FAAH2: variants seen among roughly 807,000 people sequenced by gnomAD.
The protein encoded by FAAH2 is fatty-acid amide hydrolase 2.
In FAAH2, 60 loss-of-function variants were observed where a neutral mutation model predicts 36.9. The ratio of observed to expected loss-of-function variants is 1.63; its 90% CI spans 1.32 to 2.02. The LOEUF (loss-of-function observed/expected upper bound fraction) is 2.02, where lower values mean the gene tolerates loss of function less well. Ranked by LOEUF, FAAH2 falls within the 30% of genes most tolerant of loss-of-function variation. The pLI, the probability that FAAH2 is intolerant of heterozygous loss-of-function variation, is 0.00. For missense variants in FAAH2, 689 were observed against 397.5 expected, an observed-to-expected ratio of 1.73 and a Z score of -6.23; for synonymous variants, 214 against 143.8, an observed-to-expected ratio of 1.49 and a Z score of -3.49.
the FAAH2 span, among the ~76,000 whole-genome samples, chrX:57,240,539 A>G: frequency 9.0e-6 from 1 of 111,468 alleles, no homozygotes; most frequent in Non-Finnish European, 1.9e-5. Flanking sequence ...GCAAGTGTGT[A>G]TCCAAGCAGT....
chrX:57,260,922 T>C, the FAAH2 span, among the ~76,000 whole-genome samples: 2 of 111,949 alleles, frequency 1.8e-5, no homozygotes, highest in Non-Finnish European at 3.8e-5. Flanking sequence ...GTAGTGCAAC[T>C]AGAAATTTCA....
intron 8 of FAAH2, among the ~76,000 whole-genome samples, chrX:57,441,935 A>C (rs1460516734): frequency 1.8e-5 from 2 of 111,734 alleles, no homozygotes; most frequent in Non-Finnish European, 3.8e-5. Flanking sequence ...GAGTTACTTA[A>C]TCCTGAGTTC....
the FAAH2 span, among the ~76,000 whole-genome samples, chrX:57,180,319 C>A: frequency 1.8e-5 from 2 of 111,175 alleles, no homozygotes; most frequent in African/African-American, 3.3e-5. Flanking sequence ...ATGAACGAAC[C>A]AATGAGCCAT....
At chrX:57,226,004 G>A in the FAAH2 span, among the ~76,000 whole-genome samples, 1 of 111,811 alleles carries the variant, frequency 8.9e-6, no homozygotes, top group Admixed American at 9.5e-5. Context: ...CTTTTTGTAC[G>A]CCTTTACTTT....
intron 7 of FAAH2, chrX:57,394,692 A>T: frequency 4.4e-6 from 4 of 900,879 alleles, no homozygotes; most frequent in Admixed American, 4.4e-5. Context: ...TTTTTTTATC[A>T]TCTGGGACAT....
At chrX:57,182,049 C>T in the FAAH2 span, among the ~76,000 whole-genome samples, 1 of 111,872 alleles carries the variant, frequency 8.9e-6, no homozygotes, top group South Asian at 3.7e-4. Context: ...GAACCTGGAA[C>T]CCTTCCTTAC....
intron 4 of FAAH2, among the ~76,000 whole-genome samples, chrX:57,335,803 C>T (rs1204498159): frequency 3.6e-5 from 4 of 112,049 alleles, no homozygotes; most frequent in Non-Finnish European, 7.5e-5. Context: ...CCTGGCTTTC[C>T]TAGGCAGAGG....
intron 10 of FAAH2, among the ~76,000 whole-genome samples, chrX:57,460,412 G>A (rs2056937418): frequency 9.0e-6 from 1 of 111,592 alleles, no homozygotes; most frequent in African/African-American, 3.3e-5. Flanking sequence ...TAGAGAGAAA[G>A]GTCAGGTTAC....
intron 10 of FAAH2, among the ~76,000 whole-genome samples, chrX:57,460,043 C>T (rs922964622): frequency 9.0e-6 from 1 of 111,503 alleles, no homozygotes; most frequent in Non-Finnish European, 1.9e-5. Context: ...TGATAAAAAA[C>T]TCATCTAAGC....
intron 7 of FAAH2, among the ~76,000 whole-genome samples, chrX:57,407,224 G>A (rs745558531): frequency 6.3e-5 from 7 of 111,942 alleles, no homozygotes; most frequent in Non-Finnish European, 1.1e-4. Flanking sequence ...TGTTGATGCA[G>A]TGAAATAAGA....
At chrX:57,324,642 T>C (rs1195509624) in intron 3 of FAAH2, among the ~76,000 whole-genome samples, 1 of 111,817 alleles carries the variant, frequency 8.9e-6, no homozygotes, top group Non-Finnish European at 1.9e-5. Flanking sequence ...CTCTCTGTTT[T>C]TCTGTTATTG....
the FAAH2 span, among the ~76,000 whole-genome samples, chrX:57,234,885 A>G: frequency 1.8e-5 from 2 of 111,618 alleles, no homozygotes; most frequent in Non-Finnish European, 3.8e-5. Context: ...TCAAAATACA[A>G]AAATTAACCG....
At chrX:57,403,232 C>T (rs1569320800) in intron 7 of FAAH2, among the ~76,000 whole-genome samples, 1 of 112,150 alleles carries the variant, frequency 8.9e-6, no homozygotes, top group Admixed American at 9.4e-5. Context: ...CGCCAGCACC[C>T]CTAGTAATTT....
At position 57,371,999 on chromosome X, in the gene FAAH2, A is replaced by G. The variant is rs1602436964; in HGVS notation, c.743-6652A>G. ...ATGATTTTCTTCTTTTTTTGGCTGCATAATATTCCATTGTGTATATGTATC... is the reference window on the plus strand; with the variant it reads ...ATGATTTTCTTCTTTTTTTGGCTGCGTAATATTCCATTGTGTATATGTATC... On this transcript the variant is annotated intron_variant, in intron 5 of 10. Transcript: ENST00000374900. 5.4e-5 allele frequency among the ~76,000 whole-genome samples: 6 copies of G among 111,946 alleles called. 1 individual carries two copies. In the South Asian group the frequency reaches 2.2e-3, roughly 42 times the overall value.
chrX:57,334,476 A>AG (rs1464600659), intron 4 of FAAH2, among the ~76,000 whole-genome samples: 4 of 111,082 alleles, frequency 3.6e-5, no homozygotes, highest in African/African-American at 3.3e-5. Flanking sequence ...TTCTTCATAG[A>AG]GAAAAAAAGA....
intron 8 of FAAH2, among the ~76,000 whole-genome samples, chrX:57,439,617 T>C (rs1268809236): frequency 8.9e-6 from 1 of 111,793 alleles, no homozygotes; most frequent in Non-Finnish European, 1.9e-5. Context: ...TAGATGCCAT[T>C]TGTCATTTTT....
chrX:57,174,822 A>G, the FAAH2 span, among the ~76,000 whole-genome samples: 1 of 111,404 alleles, frequency 9.0e-6, no homozygotes, highest in Middle Eastern at 4.2e-3. Flanking sequence ...TTCCATCTTG[A>G]TTTCATTGTT....
intron 10 of FAAH2, among the ~76,000 whole-genome samples, chrX:57,467,183 A>G (rs1030463929): frequency 1.7e-4 from 19 of 111,545 alleles, no homozygotes; most frequent in African/African-American, 6.2e-4. Flanking sequence ...GCGACGCAGA[A>G]GATGGGTGAC....
intron 7 of FAAH2, chrX:57,393,450 C>T: frequency 1.1e-6 from 1 of 887,910 alleles, no homozygotes; most frequent in Non-Finnish European, 1.7e-6. Context: ...GCCTCCGTCA[C>T]TACAAACCCT....
Sources: gnomAD v4.1 joint callset for allele counts (sites outside exome capture counted in the v4.1 genomes callset) on GRCh38, gnomAD v4.1.1 for gene constraint, MANE v1.5 for transcripts, NCBI Gene and HGNC (gene_info 2026-07-23, HGNC 2026-07-21) for gene names.